CNTNAP5: variants seen among roughly 807,000 people sequenced by gnomAD.
CNTNAP5 encodes the protein contactin associated protein family member 5, also known as contactin-associated protein-like 5.
A neutral mutation model predicts 150.2 loss-of-function variants in CNTNAP5; 72 were observed. That is an observed-to-expected ratio of 0.48 (90% CI 0.40 to 0.58). The LOEUF (loss-of-function observed/expected upper bound fraction) is 0.58, where lower values mean the gene tolerates loss of function less well. Ranked by LOEUF, CNTNAP5 falls within the 20% of genes least tolerant of loss-of-function variation. The pLI is 0.00. For synonymous variants in CNTNAP5, 672 were observed against 619.8 expected (o/e 1.08, Z -1.25); for missense variants, 1,636 against 1,626.2 (o/e 1.01, Z -0.10).
chr2:124,170,171 A>G (rs889328492), intron 1 of CNTNAP5, among the ~76,000 whole-genome samples: 1 of 152,208 alleles, frequency 6.6e-6, no homozygotes, highest in Non-Finnish European at 1.5e-5. Flanking sequence ...AACTGAAAGA[A>G]TAAAGAGAGG....
At chr2:124,548,271 G>A (rs1314173605) in intron 10 of CNTNAP5, among the ~76,000 whole-genome samples, 1 of 152,170 alleles carries the variant, frequency 6.6e-6, no homozygotes, top group African/African-American at 2.4e-5. Flanking sequence ...TAAGTTGTTG[G>A]CCAGCTGTAG....
intron 19 of CNTNAP5, among the ~76,000 whole-genome samples, chr2:124,803,551 A>G (rs1369087561): frequency 6.6e-6 from 1 of 152,144 alleles, no homozygotes; most frequent in Non-Finnish European, 1.5e-5. Context: ...TTCCCAGATC[A>G]CCTTCTGGGG....
intron 3 of CNTNAP5, among the ~76,000 whole-genome samples, chr2:124,312,404 A>G (rs1688851341): frequency 6.6e-6 from 1 of 151,956 alleles, no homozygotes; most frequent in African/African-American, 2.4e-5. Flanking sequence ...GCTGGAGTGC[A>G]ATGGCGTGAT....
rs191585378 is a variant in CNTNAP5 at position 124,356,576 on chromosome 2, C to T, written c.382-60867C>T. ...TGCGGTGTTTGGTTTTTTGTTCTTG[C>T]GATAGTTTACTGAGAATCATGATTT... On this transcript the variant is annotated intron_variant, in intron 3 of 23. Coordinates refer to ENST00000682447, the MANE Select transcript of CNTNAP5 (RefSeq NM_001367498.1). Among the ~76,000 whole-genome samples, 652 of 151,056 alleles carry T rather than the reference C, an allele frequency of 4.3e-3. 4 individuals carry two copies. Among genetic ancestry groups the T allele is most frequent in the African/African-American group, 0.015 (615 of 41,148 alleles).
chr2:124,375,881 A>G (rs1000496257), intron 3 of CNTNAP5, among the ~76,000 whole-genome samples: 1 of 152,240 alleles, frequency 6.6e-6, no homozygotes, highest in East Asian at 1.9e-4. Flanking sequence ...ACACTGTTAA[A>G]CTCAAAACTA....
At chr2:124,444,438 A>G (rs1692757890) in intron 5 of CNTNAP5, among the ~76,000 whole-genome samples, 2 of 152,054 alleles carry the variant, frequency 1.3e-5, no homozygotes, top group Admixed American at 1.3e-4. Context: ...TACCAAAAAT[A>G]TAAAAAATTA....
chr2:124,805,187 G>C (rs1013706573), intron 19 of CNTNAP5, among the ~76,000 whole-genome samples: 8 of 152,162 alleles, frequency 5.3e-5, no homozygotes, highest in Non-Finnish European at 7.3e-5. Flanking sequence ...GCTGTCTCTA[G>C]TCACAGGAAA....
chr2:124,142,802 A>C (rs1203174057), intron 1 of CNTNAP5, among the ~76,000 whole-genome samples: 4 of 150,322 alleles, frequency 2.7e-5, no homozygotes, highest in African/African-American at 9.9e-5. Flanking sequence ...AGCAGAACTG[A>C]AGGAAATAGA....
At chr2:124,523,783 C>T (rs1694902896) in intron 8 of CNTNAP5, among the ~76,000 whole-genome samples, 1 of 152,158 alleles carries the variant, frequency 6.6e-6, no homozygotes, top group South Asian at 2.1e-4. Context: ...TATATGTTAC[C>T]TCTCTCCAAC....
intron 13 of CNTNAP5, among the ~76,000 whole-genome samples, chr2:124,661,752 A>T (rs1400586274): frequency 6.6e-6 from 1 of 152,208 alleles, no homozygotes; most frequent in Non-Finnish European, 1.5e-5. Flanking sequence ...GTATGTACAC[A>T]TTAGTAATTC....
chr2:124,818,520 A>T (rs1371947057), intron 19 of CNTNAP5, among the ~76,000 whole-genome samples: 1 of 152,118 alleles, frequency 6.6e-6, no homozygotes, highest in Non-Finnish European at 1.5e-5. Flanking sequence ...CAACAGTATG[A>T]GAACCTGTCT....
chr2:124,750,834 A>C (rs1424105736), intron 14 of CNTNAP5, among the ~76,000 whole-genome samples: 1 of 151,966 alleles, frequency 6.6e-6, no homozygotes, highest in Non-Finnish European at 1.5e-5. Flanking sequence ...AAATACAAAA[A>C]TTAGCTGGGC....
At chr2:124,448,291 A>AATAATG (rs1198071011) in intron 6 of CNTNAP5, among the ~76,000 whole-genome samples, 2 of 150,162 alleles carry the variant, frequency 1.3e-5, no homozygotes, top group African/African-American at 2.4e-5. Flanking sequence ...TAATAATAAT[A>AATAATG]ATAATAATAA....
chr2:124,885,244 T>A (rs1678053920), intron 21 of CNTNAP5, among the ~76,000 whole-genome samples: 1 of 151,948 alleles, frequency 6.6e-6, no homozygotes, highest in Non-Finnish European at 1.5e-5. Flanking sequence ...TGCAATTGAT[T>A]GAATGAGACC....
chr2:124,071,837 G>A (rs1364773797), intron 1 of CNTNAP5, among the ~76,000 whole-genome samples: 2 of 151,824 alleles, frequency 1.3e-5, no homozygotes, highest in Admixed American at 6.6e-5. Flanking sequence ...CAAAAAAATA[G>A]AGGAAAAGAG....
At chr2:124,913,816 G>A (rs1678705170) in intron 23 of CNTNAP5, among the ~76,000 whole-genome samples, 1 of 152,052 alleles carries the variant, frequency 6.6e-6, no homozygotes, top group Non-Finnish European at 1.5e-5. Context: ...AATTCCATAT[G>A]TATAAGATGG....
intron 3 of CNTNAP5, among the ~76,000 whole-genome samples, chr2:124,402,347 A>G (rs565644520): frequency 6.6e-6 from 1 of 152,284 alleles, no homozygotes; most frequent in African/African-American, 2.4e-5. Context: ...CCAGAGACAG[A>G]GGCATAAACA....
intron 3 of CNTNAP5, among the ~76,000 whole-genome samples, chr2:124,247,905 A>G (rs1289777950): frequency 6.6e-6 from 1 of 152,158 alleles, no homozygotes; most frequent in Non-Finnish European, 1.5e-5. Context: ...GGTCTCAAAT[A>G]TATTTGTCAG....
At chr2:124,205,500 C>A (rs1685840508) in intron 1 of CNTNAP5, among the ~76,000 whole-genome samples, 1 of 151,588 alleles carries the variant, frequency 6.6e-6, no homozygotes, top group Non-Finnish European at 1.5e-5. Context: ...CTCACTGCAA[C>A]CTCCGCCTCC....
Sources: allele counts gnomAD v4.1 joint callset (sites outside exome capture counted in the v4.1 genomes callset), GRCh38; gene constraint gnomAD v4.1.1; transcripts MANE v1.5; gene names NCBI Gene and HGNC (gene_info 2026-07-23, HGNC 2026-07-21).